The following RRAS2 variants were observed in gnomAD, a reference collection of about 807,000 sequenced individuals.
RRAS2 encodes the protein RAS related 2.
RRAS2 carries 7 observed loss-of-function variants against 27.6 expected under a neutral mutation model. That is an observed-to-expected ratio of 0.25 (90% CI 0.14 to 0.48). The LOEUF (loss-of-function observed/expected upper bound fraction) is 0.48, where lower values mean the gene tolerates loss of function less well. Ranked by LOEUF, RRAS2 falls within the 20% of genes least tolerant of loss-of-function variation. RRAS2 has a pLI of 0.99. For missense variants in RRAS2, 178 were observed against 256.2 expected, an observed-to-expected ratio of 0.69 and a Z score of 2.08; for synonymous variants, 86 against 90.9, an observed-to-expected ratio of 0.95 and a Z score of 0.31.
chr11:14,323,682 T>A (rs1554950613), intron 1 of RRAS2, among the ~76,000 whole-genome samples: 1 of 152,186 alleles, frequency 6.6e-6, no homozygotes, highest in Non-Finnish European at 1.5e-5. Flanking sequence ...AGTCATTTTA[T>A]GAGGCCAGTA....
At chr11:14,348,966 T>G (rs1185658148) in intron 1 of RRAS2, among the ~76,000 whole-genome samples, 3 of 152,098 alleles carry the variant, frequency 2.0e-5, no homozygotes, top group Non-Finnish European at 4.4e-5. Context: ...CATACTTCTT[T>G]TTTTGTTTCT....
At chr11:14,357,299 A>AC (rs1359330127) in intron 1 of RRAS2, among the ~76,000 whole-genome samples, 2 of 150,170 alleles carry the variant, frequency 1.3e-5, no homozygotes, top group Non-Finnish European at 3.0e-5. Flanking sequence ...TTATCCCCTC[A>AC]CCCCCACCCT....
chr11:14,324,353 T>C (rs1308866765), intron 1 of RRAS2, among the ~76,000 whole-genome samples: 2 of 148,886 alleles, frequency 1.3e-5, no homozygotes, highest in South Asian at 2.1e-4. Flanking sequence ...AAATATATGA[T>C]ATGCAGGACT....
At position 14,281,564 on chromosome 11, in the gene RRAS2, A is replaced by T. The variant is rs200814448; in HGVS notation, c.527+38T>A. 1.5e-4 allele frequency: 220 copies of T among 1,470,726 alleles called. No individual in the cohort carries two copies. The East Asian group carries it at 4.9e-3, about 33-fold the overall frequency. The allele number at this position is 1,470,726 out of a possible 1,614,324, so 91.1% of individuals were successfully genotyped here. ...TCCTTACTAAAAACATTTAATAGTA[A>T]TTTATTAAAACACACATCTAGAATG... On this transcript the variant is annotated intron_variant, in intron 5 of 5. Transcript: ENST00000256196.
chr11:14,305,928 C>T (rs1554948032), intron 1 of RRAS2, among the ~76,000 whole-genome samples: 1 of 151,992 alleles, frequency 6.6e-6, no homozygotes, highest in African/African-American at 2.4e-5. Flanking sequence ...AACTGTAGTC[C>T]CAGCTATGTG....
At chr11:14,314,666 T>C (rs1848054500) in intron 1 of RRAS2, among the ~76,000 whole-genome samples, 3 of 152,172 alleles carry the variant, frequency 2.0e-5, no homozygotes, top group South Asian at 2.1e-4. Flanking sequence ...AACCAAATCT[T>C]TGAATGCAGG....
chr11:14,298,380 G>C (rs1554946956), intron 1 of RRAS2, among the ~76,000 whole-genome samples: 3 of 152,138 alleles, frequency 2.0e-5, no homozygotes, highest in African/African-American at 7.2e-5. Flanking sequence ...GACAGTTCTT[G>C]GCGTTGTGAG....
chr11:14,295,796 C>T lies in RRAS2; in HGVS notation c.168G>A (p.Val56=), dbSNP rs1847530745. The T allele has an allele frequency of 6.2e-7, 1 of 1,613,216 alleles. No individual in the cohort carries two copies. The highest frequency in any genetic ancestry group is 2.2e-5 in the East Asian group (1 of 44,868). Residue 56 remains valine (V), a synonymous_variant, in exon 2 of 6, where the codon GTG becomes GTA. Coordinates refer to ENST00000256196, the MANE Select transcript of RRAS2 (RefSeq NM_012250.6). ...CTAGCCGGGCTGCTCTGTCATCTAT[C>T]ACACACTGCTTTGTGTAAGAATCTT... The part of the protein sequence containing the change: ...TIEDSYTKQC[V]IDDRAARLDI...
intron 1 of RRAS2, among the ~76,000 whole-genome samples, chr11:14,332,239 T>C (rs1464877598): frequency 6.6e-6 from 1 of 152,218 alleles, no homozygotes; most frequent in Non-Finnish European, 1.5e-5. Context: ...GGCAGCTTTA[T>C]TCACAGTTAA....
intron 1 of RRAS2, among the ~76,000 whole-genome samples, chr11:14,337,952 G>GA (rs1301079296): frequency 2.0e-5 from 3 of 151,854 alleles, no homozygotes; most frequent in African/African-American, 7.3e-5. Flanking sequence ...CATCAGAAAG[G>GA]AAAAAACATG....
Position 14,278,238 on chromosome 11 carries a change from T to A in RRAS2, c.*1099A>T, listed in dbSNP as rs1394113671. ...TCCTGTTGTACTCTATTGGGAAGGT[T>A]TCTTGAGTAGTTATGTGACTGGCCA... is the stretch of plus-strand genomic sequence containing the variant. On this transcript the variant is annotated 3_prime_UTR_variant, in exon 6 of 6. Transcript: ENST00000256196. The A allele has an allele frequency of 2.0e-5, 3 of 152,230 alleles. No individual in the cohort carries two copies. Among genetic ancestry groups the A allele is most frequent in the Non-Finnish European group, 4.4e-5 (3 of 68,038 alleles). 9.4% of individuals were successfully genotyped at this position (152,230 alleles called of 1,614,324 possible).
intron 4 of RRAS2, among the ~76,000 whole-genome samples, chr11:14,283,809 G>A (rs1257243762): frequency 6.6e-6 from 1 of 152,128 alleles, no homozygotes; most frequent in Non-Finnish European, 1.5e-5. Context: ...ATTCCGGCAA[G>A]AGTCTTGTCA....
chr11:14,290,397 G>A (rs782192362), intron 4 of RRAS2, among the ~76,000 whole-genome samples: 5 of 152,094 alleles, frequency 3.3e-5, no homozygotes, highest in Non-Finnish European at 5.9e-5. Flanking sequence ...TGCAGTGAGC[G>A]GAGATCGTGC....
intron 1 of RRAS2, among the ~76,000 whole-genome samples, chr11:14,320,932 G>A (rs971301587): frequency 1.3e-5 from 2 of 152,190 alleles, no homozygotes; most frequent in African/African-American, 4.8e-5. Flanking sequence ...TATAATCCCA[G>A]CACTTTGGGA....
chr11:14,348,229 G>A (rs1269922326), intron 1 of RRAS2, among the ~76,000 whole-genome samples: 1 of 152,116 alleles, frequency 6.6e-6, no homozygotes, highest in Non-Finnish European at 1.5e-5. Flanking sequence ...ATTATGTAGA[G>A]TAACATCAAA....
intron 1 of RRAS2, among the ~76,000 whole-genome samples, chr11:14,304,056 A>G (rs1847775186): frequency 6.6e-6 from 1 of 152,224 alleles, no homozygotes; most frequent in African/African-American, 2.4e-5. Flanking sequence ...GGTTTCACCC[A>G]GCAGCCTGAG....
chr11:14,347,896 C>G (rs373296633), intron 1 of RRAS2, among the ~76,000 whole-genome samples: 130 of 151,572 alleles, frequency 8.6e-4, no homozygotes, highest in Middle Eastern at 3.4e-3. Flanking sequence ...TTTCCAAAAA[C>G]CACCACAGAA....
At chr11:14,322,326 T>C (rs1181058646) in intron 1 of RRAS2, among the ~76,000 whole-genome samples, 4 of 151,264 alleles carry the variant, frequency 2.6e-5, no homozygotes, top group Admixed American at 2.0e-4. Context: ...TGTAGTCCCA[T>C]CTACTTGGGA....
Position 14,353,480 on chromosome 11 carries a change from T to A in RRAS2, c.108+5283A>T, listed in dbSNP as rs529737724. Among the ~76,000 whole-genome samples, 19 of 152,072 alleles carry A rather than the reference T, an allele frequency of 1.2e-4. No individual in the cohort carries two copies. In the South Asian group the frequency reaches 3.9e-3, roughly 32 times the overall value. ...CATGCCTGTCTATAATCCCAGCTAC[T>A]TGGGAGGCTGAGGCTGGAGAATCGC... On this transcript the variant is annotated intron_variant, in intron 1 of 5. Coordinates refer to ENST00000256196, the MANE Select transcript of RRAS2 (RefSeq NM_012250.6).
Sources: gnomAD v4.1 joint callset for allele counts (sites outside exome capture counted in the v4.1 genomes callset) on GRCh38, gnomAD v4.1.1 for gene constraint, MANE v1.5 for transcripts, NCBI Gene and HGNC (gene_info 2026-07-23, HGNC 2026-07-21) for gene names.